The following MTUS1 variants were observed in gnomAD, a reference collection of about 807,000 sequenced individuals.
MTUS1 encodes microtubule-associated tumor suppressor 1.
Under a neutral mutation model 120.8 loss-of-function variants are expected in MTUS1, and 109 were observed. The observed-to-expected ratio is 0.90, with a 90% CI of 0.77 to 1.06. MTUS1 has a LOEUF of 1.06. Among genes scored for constraint, MTUS1 ranks in the 50% least tolerant of loss-of-function variants. The pLI is 0.00. For synonymous variants in MTUS1, 737 were observed against 550.5 expected (o/e 1.34, Z -4.74); for missense variants, 2,210 against 1,486.3 (o/e 1.49, Z -8.01).
chr8:17,742,972 T>A (rs2047451883), intron 3 of MTUS1, among the ~76,000 whole-genome samples: 1 of 152,112 alleles, frequency 6.6e-6, no homozygotes, highest in East Asian at 1.9e-4. Flanking sequence ...AGGCTTTTCA[T>A]CCCCGTGACA....
chr8:17,767,276 G>A (rs749810343), intron 1 of MTUS1, among the ~76,000 whole-genome samples: 25 of 150,308 alleles, frequency 1.7e-4, no homozygotes, highest in Non-Finnish European at 2.8e-4. Flanking sequence ...TATATTATGT[G>A]TCATTTCATT....
Position 17,743,907 on chromosome 8 carries a change from A to G in MTUS1, c.2092-108T>C, listed in dbSNP as rs1020886451. On this transcript the variant is annotated intron_variant, in intron 2 of 14. Coordinates refer to ENST00000693296, the MANE Select transcript of MTUS1 (RefSeq NM_001363059.2). ...CAAGGCAATTCCAAAGAAACCTAAA[A>G]AACAAGTTCAGGCCATGATGGCAAA... 3.2e-5 allele frequency: 30 copies of G among 930,540 alleles called. No homozygotes were observed. The Admixed American group carries it at 7.9e-4, about 24-fold the overall frequency. 57.6% of individuals were successfully genotyped at this position (930,540 alleles called of 1,614,324 possible).
At chr8:17,675,078 C>G in intron 8 of MTUS1, 108 bp downstream of exon 8, 2 of 1,564,192 alleles carry the variant, frequency 1.3e-6, no homozygotes, top group South Asian at 2.4e-5. Context: ...CAGGGAGTGC[C>G]AACAGCTCCC....
intron 7 of MTUS1, among the ~76,000 whole-genome samples, chr8:17,678,084 A>G (rs1813484815): frequency 6.6e-6 from 1 of 152,190 alleles, no homozygotes; most frequent in Admixed American, 6.5e-5. Context: ...AATACCATCC[A>G]TAGATGAAAT....
intron 1 of MTUS1, among the ~76,000 whole-genome samples, chr8:17,789,827 C>G (rs1462546831): frequency 1.3e-5 from 2 of 152,144 alleles, no homozygotes; most frequent in African/African-American, 4.8e-5. Flanking sequence ...CTATATATTC[C>G]TTAGAAGACA....
intron 1 of MTUS1, among the ~76,000 whole-genome samples, chr8:17,785,352 C>G (rs2051217723): frequency 6.6e-6 from 1 of 152,180 alleles, no homozygotes; most frequent in African/African-American, 2.4e-5. Flanking sequence ...AATGTCACTT[C>G]CAGAAGAAGA....
chr8:17,722,195 C>G lies in MTUS1; in HGVS notation c.2449+1477G>C, dbSNP rs930423896. 9.1e-5 allele frequency: 95 copies of G among 1,045,104 alleles called. 1 individual carries two copies. The highest frequency in any genetic ancestry group is 1.1e-4 in the Non-Finnish European group (92 of 868,430). 64.7% of individuals were successfully genotyped at this position (1,045,104 alleles called of 1,614,324 possible). ...GGAATGGACAAAAGCACTTTACAGC[C>G]TCCTTAGGAGCATCAGACACAGTAC... is the stretch of plus-strand genomic sequence containing the variant. On this transcript the variant is annotated intron_variant, in intron 4 of 14. Transcript: ENST00000693296.
At chr8:17,783,875 C>G (rs1018855028) in intron 1 of MTUS1, among the ~76,000 whole-genome samples, 2 of 152,162 alleles carry the variant, frequency 1.3e-5, no homozygotes, top group African/African-American at 4.8e-5. Flanking sequence ...CCCGGACCAC[C>G]ACTCCAATTC....
At chr8:17,653,547 A>G (rs1807520969) in intron 10 of MTUS1, 49 bp from the exon 11 acceptor site, 2 of 1,335,390 alleles carry the variant, frequency 1.5e-6, no homozygotes, top group East Asian at 2.3e-5. Flanking sequence ...CTATGAGATC[A>G]ATGTACTCTA....
intron 1 of MTUS1, among the ~76,000 whole-genome samples, chr8:17,787,535 T>C (rs2073701): frequency 0.27 from 40,971 of 152,090 alleles, 8,321 homozygotes; most frequent in African/African-American, 0.55. Flanking sequence ...GCTATGGACC[T>C]TATAGCCACC....
At chr8:17,785,613 T>TA (rs916602260) in intron 1 of MTUS1, among the ~76,000 whole-genome samples, 2 of 152,236 alleles carry the variant, frequency 1.3e-5, no homozygotes, top group Non-Finnish European at 2.9e-5. Context: ...TTAGTTTACG[T>TA]AATATACATT....
Position 17,645,680 on chromosome 8 carries a change from C to T in MTUS1, c.*246G>A, listed in dbSNP as rs150764111. The stretch of plus-strand genomic sequence containing the variant: ...GTTCTTTAAGTGCTTTGTGCAACAA[C>T]GTCCGTGTCGATGCCGAAATCTTTT... On this transcript the variant is annotated 3_prime_UTR_variant, in exon 15 of 15. Transcript: ENST00000693296. 1,543 of 442,698 alleles carry T rather than the reference C, an allele frequency of 3.5e-3. 9 individuals are homozygous for T. Among genetic ancestry groups the T allele is most frequent in the Admixed American group, 4.7e-3 (117 of 24,752 alleles). The allele number at this position is 442,698 out of a possible 1,614,324, so 27.4% of individuals were successfully genotyped here.
intron 12 of MTUS1, among the ~76,000 whole-genome samples, chr8:17,650,750 G>A (rs1225696291): frequency 6.6e-6 from 1 of 152,116 alleles, no homozygotes; most frequent in African/African-American, 2.4e-5. Flanking sequence ...ATCAGGGGAG[G>A]CGTCCTCTGA....
At chr8:17,655,583 G>T (rs1352526651) in intron 9 of MTUS1, among the ~76,000 whole-genome samples, 1 of 152,118 alleles carries the variant, frequency 6.6e-6, no homozygotes, top group African/African-American at 2.4e-5. Flanking sequence ...AATTAGCTGG[G>T]CATGGTGATG....
chr8:17,705,738 C>T (rs553582420), intron 6 of MTUS1: 3 of 152,208 alleles, frequency 2.0e-5, no homozygotes, highest in African/African-American at 4.8e-5. Flanking sequence ...GCAAGAAAGC[C>T]GCCCTGTTCT....
intron 1 of MTUS1, among the ~76,000 whole-genome samples, chr8:17,762,227 C>T (rs184018499): frequency 3.9e-5 from 6 of 152,126 alleles, no homozygotes; most frequent in South Asian, 2.1e-4. Context: ...CGCAGTGAGC[C>T]GAGATCACAC....
chr8:17,776,329 C>T (rs111227895), intron 1 of MTUS1, among the ~76,000 whole-genome samples: 1,955 of 150,440 alleles, frequency 0.013, 30 homozygotes, highest in South Asian at 0.03. Context: ...TTGGTATTGA[C>T]GGTGGGGGCG....
intron 7 of MTUS1, among the ~76,000 whole-genome samples, chr8:17,677,465 A>G (rs955246266): frequency 6.6e-6 from 1 of 152,222 alleles, no homozygotes; most frequent in Admixed American, 6.5e-5. Context: ...TCATTTTTCA[A>G]ATTTATGGAA....
At chr8:17,657,369 C>T (rs867393178) in intron 8 of MTUS1, among the ~76,000 whole-genome samples, 1 of 151,324 alleles carries the variant, frequency 6.6e-6, no homozygotes, top group Admixed American at 6.6e-5. Context: ...GAGATCGAGA[C>T]CATCCCGGCT....
Sources: gnomAD v4.1 joint callset for allele counts (sites outside exome capture counted in the v4.1 genomes callset) on GRCh38, gnomAD v4.1.1 for gene constraint, MANE v1.5 for transcripts, NCBI Gene and HGNC (gene_info 2026-07-23, HGNC 2026-07-21) for gene names.